Variants in GABRA2 observed in about 807,000 individuals in gnomAD.
The protein encoded by GABRA2 is gamma-aminobutyric acid receptor subunit alpha-2.
In GABRA2, 16 loss-of-function variants were observed where a neutral mutation model predicts 48.7. The observed-to-expected ratio is 0.33, with a 90% CI of 0.22 to 0.50. The LOEUF (loss-of-function observed/expected upper bound fraction) is 0.50. Ranked by LOEUF, GABRA2 falls within the 20% of genes least tolerant of loss-of-function variation. The pLI is 0.98. For synonymous variants in GABRA2, 185 were observed against 184.5 expected (o/e 1.00, Z -0.02); for missense variants, 275 against 535.6 (o/e 0.51, Z 4.80).
intron 8 of GABRA2, among the ~76,000 whole-genome samples, chr4:46,287,230 A>C (rs1722723061): frequency 6.6e-6 from 1 of 152,114 alleles, no homozygotes; most frequent in Admixed American, 6.6e-5. Context: ...TCCCCATTGA[A>C]TAATTCTAAC....
At position 46,311,210 on chromosome 4, in the gene GABRA2, G is replaced by A. The variant is rs551339758; in HGVS notation, c.477-955C>T. Reference sequence around the variant, plus strand: ...CTGAATATATTGCAAGATTCAAAGGGAGAGACAGAGGCAGAAAGACTAGCT... The same window carrying A: ...CTGAATATATTGCAAGATTCAAAGGAAGAGACAGAGGCAGAAAGACTAGCT... On this transcript the variant is annotated intron_variant, in intron 5 of 9. Coordinates refer to ENST00000381620, the MANE Select transcript of GABRA2 (RefSeq NM_000807.4). Among the ~76,000 whole-genome samples, 5 of 152,300 alleles carry A rather than the reference G, an allele frequency of 3.3e-5. No homozygotes were observed. In the South Asian group the frequency reaches 1.0e-3, roughly 32 times the overall value.
chr4:46,341,625 C>A (rs562116537), intron 3 of GABRA2, among the ~76,000 whole-genome samples: 3 of 152,060 alleles, frequency 2.0e-5, no homozygotes, highest in Non-Finnish European at 4.4e-5. Context: ...GAAGTAACAT[C>A]TTCAACACTC....
chr4:46,265,016 G>A (rs1437237506), intron 8 of GABRA2, among the ~76,000 whole-genome samples: 5 of 67,808 alleles, frequency 7.4e-5, no homozygotes, highest in Non-Finnish European at 1.6e-4. Context: ...TAAAGAGAGA[G>A]AGAGATAGAG....
intron 9 of GABRA2, 154 bp downstream of exon 9, chr4:46,261,772 G>T: frequency 1.4e-6 from 1 of 689,762 alleles, no homozygotes; most frequent in South Asian, 1.8e-5. Context: ...ACTCCTAAAG[G>T]ATTTCAGGCA....
At position 46,269,904 on chromosome 4, in the gene GABRA2, T is replaced by C. The variant is rs550646709; in HGVS notation, c.857-7776A>G. On this transcript the variant is annotated intron_variant, in intron 8 of 9. Coordinates refer to ENST00000381620, the MANE Select transcript of GABRA2 (RefSeq NM_000807.4). ...TTGTGATAAAAATAATACAACAATT[T>C]TAATTTAAAGCAGGGATACTTGATG... Among the ~76,000 whole-genome samples the C allele has an allele frequency of 2.0e-5, 3 of 152,080 alleles. No homozygotes were observed. In the South Asian group the frequency reaches 6.2e-4, roughly 31 times the overall value.
chr4:46,365,301 T>C (rs528904434), intron 3 of GABRA2: 1 of 152,246 alleles, frequency 6.6e-6, no homozygotes, highest in South Asian at 2.1e-4. Context: ...TTAAACATTC[T>C]ATGGAGAATT....
Position 46,244,822 on chromosome 4 carries a change from G to A in GABRA2, c.*5486C>T, listed in dbSNP as rs1713408281. ...CCAGAAACTAAATTGTACCAAAGAA[G>A]TTAGTAAATAGCTAGCATCACAAAA... On this transcript the variant is annotated 3_prime_UTR_variant, in exon 10 of 10. Transcript: ENST00000381620. 6.6e-6 allele frequency among the ~76,000 whole-genome samples: 1 copy of A among 151,336 alleles called. No homozygotes were observed. Among genetic ancestry groups the A allele is most frequent in the African/African-American group, 2.4e-5 (1 of 41,358 alleles).
At chr4:46,338,237 G>A (rs184060734) in intron 3 of GABRA2, among the ~76,000 whole-genome samples, 17 of 151,888 alleles carry the variant, frequency 1.1e-4, no homozygotes, top group East Asian at 9.7e-4. Flanking sequence ...ACCATTTATC[G>A]TCTGATCTAG....
chr4:46,388,933 T>TC, intron 1 of GABRA2: 1 of 1,331,938 alleles, frequency 7.5e-7, no homozygotes, highest in East Asian at 2.9e-5. Flanking sequence ...TTTCTTTCTT[T>TC]TTTTCTTTCT....
At chr4:46,375,128 C>T (rs922180212) in intron 3 of GABRA2, among the ~76,000 whole-genome samples, 2 of 152,016 alleles carry the variant, frequency 1.3e-5, no homozygotes, top group Non-Finnish European at 2.9e-5. Flanking sequence ...ACCACTAATG[C>T]TAATTACTTA....
intron 8 of GABRA2, among the ~76,000 whole-genome samples, chr4:46,281,630 A>G (rs1233582436): frequency 2.6e-5 from 4 of 152,220 alleles, no homozygotes; most frequent in African/African-American, 9.6e-5. Context: ...TGTATTTAGC[A>G]GTGTGGCAGA....
At chr4:46,308,215 A>C (rs1727039263) in intron 6 of GABRA2, among the ~76,000 whole-genome samples, 1 of 152,178 alleles carries the variant, frequency 6.6e-6, no homozygotes, top group African/African-American at 2.4e-5. Context: ...ACTTTCATTC[A>C]GAAATTCTAA....
intron 8 of GABRA2, among the ~76,000 whole-genome samples, chr4:46,293,656 T>C (rs1724093145): frequency 6.6e-6 from 1 of 152,198 alleles, no homozygotes; most frequent in African/African-American, 2.4e-5. Flanking sequence ...ACCCGCACAT[T>C]GGCTCCCTGA....
intron 3 of GABRA2, among the ~76,000 whole-genome samples, chr4:46,384,953 G>A (rs2109370109): frequency 6.6e-6 from 1 of 151,848 alleles, no homozygotes; most frequent in South Asian, 2.1e-4. Flanking sequence ...CTCTTAAAAT[G>A]TAAGATATCA....
intron 3 of GABRA2, chr4:46,368,686 C>G (rs1055321306): frequency 3.1e-6 from 1 of 325,098 alleles, no homozygotes; most frequent in Admixed American, 4.5e-5. Flanking sequence ...TTGGGAAGCA[C>G]AGATTTTGTT....
chr4:46,370,428 C>A (rs569193547), intron 3 of GABRA2, among the ~76,000 whole-genome samples: 1 of 151,950 alleles, frequency 6.6e-6, no homozygotes, highest in South Asian at 2.1e-4. Flanking sequence ...ACCCAACCAA[C>A]CAGGAAAAAG....
At position 46,289,911 on chromosome 4, in the gene GABRA2, T is replaced by A. The variant is rs199680134; in HGVS notation, c.856+13549A>T. On this transcript the variant is annotated intron_variant, in intron 8 of 9. Coordinates refer to ENST00000381620, the MANE Select transcript of GABRA2 (RefSeq NM_000807.4). Reference sequence around the variant, plus strand: ...TATTTATTTATTTATTTATTTATTTTTATTTTTTTTTTTTTTTTGAGACTG... The same window carrying A: ...TATTTATTTATTTATTTATTTATTTATATTTTTTTTTTTTTTTTGAGACTG... 1.4e-4 allele frequency among the ~76,000 whole-genome samples: 18 copies of A among 126,318 alleles called. No individual in the cohort carries two copies. In the South Asian group the frequency reaches 1.5e-3, roughly 10 times the overall value. 82.9% of individuals were successfully genotyped at this position (126,318 alleles called of 152,430 possible).
chr4:46,390,267 C>T (rs1560622882), upstream of GABRA2: 2 of 152,572 alleles, frequency 1.3e-5, no homozygotes, highest in Admixed American at 6.7e-5. Context: ...CTGACCGTCG[C>T]CCGCCTGGCA....
chr4:46,325,504 A>G (rs1730200736), intron 4 of GABRA2, among the ~76,000 whole-genome samples: 1 of 151,998 alleles, frequency 6.6e-6, no homozygotes. Context: ...GTTCAAAAAT[A>G]ATTTCTCCTA....
Sources: gnomAD v4.1 joint callset for allele counts (sites outside exome capture counted in the v4.1 genomes callset) on GRCh38, gnomAD v4.1.1 for gene constraint, MANE v1.5 for transcripts, NCBI Gene and HGNC (gene_info 2026-07-23, HGNC 2026-07-21) for gene names.